The following EPB41 variants were observed in gnomAD, a reference collection of about 807,000 sequenced individuals.
EPB41 encodes the protein erythrocyte membrane protein band 4.1.
A neutral mutation model predicts 108.0 loss-of-function variants in EPB41; 65 were observed. The observed-to-expected ratio is 0.60, with a 90% CI of 0.49 to 0.74. EPB41 has a LOEUF of 0.74. Ranked by LOEUF, EPB41 falls within the 30% of genes least tolerant of loss-of-function variation. The pLI, the probability that EPB41 is intolerant of heterozygous loss-of-function variation, is 0.00. For missense variants in EPB41, 875 were observed against 1,037.0 expected (o/e 0.84, Z 2.15); for synonymous variants, 336 against 358.9 (o/e 0.94, Z 0.72).
intron 16 of EPB41, chr1:29,068,670 C>A: frequency 9.5e-7 from 1 of 1,048,874 alleles, no homozygotes; most frequent in Non-Finnish European, 1.2e-6. Flanking sequence ...CCTCTTCCAC[C>A]TTTGACGGTA....
Position 28,887,368 on chromosome 1 carries a change from A to G in EPB41, c.-8+158A>G. On this transcript the variant is annotated intron_variant, in intron 1 of 16. Transcript: ENST00000347529. The surrounding 1 kb of genome is among the most constrained non-coding windows in gnomAD (Gnocchi z 4.9). ...GGGTCCAGCGGTCCCGAATTCCAGA[A>G]TCCGAACTTGGGGTCCAAAGGAGTC... 1.0e-6 allele frequency: 1 copy of G among 985,372 alleles called. No individual in the cohort carries two copies. Among genetic ancestry groups the G allele is most frequent in the Non-Finnish European group, 1.2e-6 (1 of 829,908 alleles). 61.0% of individuals were successfully genotyped at this position (985,372 alleles called of 1,614,324 possible). A position where few individuals can be genotyped will look rare whatever the true frequency, so the allele number is the denominator to read the frequency against.
Position 29,065,005 on chromosome 1 carries a change from G to A in EPB41, c.2031G>A (p.Glu677=), listed in dbSNP as rs775647154. The change falls in exon 16 of 21, where the codon GAG becomes GAA. Residue 677 remains glutamate (E), a synonymous_variant. Transcript: ENST00000343067. The part of the protein sequence containing the change: ...MLEDLDKSQE[E]IKKHHASISE... ...AGGATTTAGACAAGAGTCAAGAGGA[G>A]ATCAAAAAACATCATGCCAGCATCA... The A allele has an allele frequency of 2.5e-6, 4 of 1,613,978 alleles. No homozygotes were observed. Among genetic ancestry groups the A allele is most frequent in the Non-Finnish European group, 2.5e-6 (3 of 1,179,974 alleles).
intron 1 of EPB41, among the ~76,000 whole-genome samples, chr1:28,956,763 C>T (rs2094964432): frequency 6.6e-6 from 1 of 152,160 alleles, no homozygotes; most frequent in African/African-American, 2.4e-5. Flanking sequence ...TGATTAGGTA[C>T]TGTGGGAGAT....
chr1:28,987,878 T>G lies in EPB41; in HGVS notation c.441T>G (p.Leu147=). 6.2e-7 allele frequency: 1 copy of G among 1,614,222 alleles called. No individual in the cohort carries two copies. Among genetic ancestry groups the G allele is most frequent in the Admixed American group, 1.7e-5 (1 of 60,024 alleles). ...PELKTDPSLD[L]HSLSSAETQP... is the part of the protein sequence containing the mutation. The stretch of plus-strand genomic sequence containing the variant: ...TCAAAACAGACCCATCTTTGGATCT[T>G]CATTCATTAAGCAGTGCAGAAACAC... The change falls in exon 2 of 21, where the codon CTT becomes CTG. Residue 147 remains leucine (L), a synonymous_variant. Coordinates refer to ENST00000343067, the MANE Select transcript of EPB41 (RefSeq NM_001376013.1).
At chr1:28,995,244 T>C (rs1037481269) in intron 3 of EPB41, among the ~76,000 whole-genome samples, 3 of 151,980 alleles carry the variant, frequency 2.0e-5, no homozygotes, top group African/African-American at 7.2e-5. Context: ...TATGAAGCCC[T>C]TGGGGACAGA....
chr1:29,107,167 G>A (rs189230437), intron 17 of EPB41, among the ~76,000 whole-genome samples: 7 of 151,770 alleles, frequency 4.6e-5, no homozygotes, highest in Admixed American at 2.6e-4. Flanking sequence ...TGGGGAAAAA[G>A]CAAAACTCCC....
intron 7 of EPB41, among the ~76,000 whole-genome samples, chr1:29,020,781 C>A (rs1233689556): frequency 6.6e-6 from 1 of 152,096 alleles, no homozygotes; most frequent in Non-Finnish European, 1.5e-5. Context: ...TCTCAGCCTT[C>A]TGAGTAGCTA....
At chr1:29,000,693 G>T (rs1281202527) in intron 4 of EPB41, among the ~76,000 whole-genome samples, 1 of 152,128 alleles carries the variant, frequency 6.6e-6, no homozygotes, top group Non-Finnish European at 1.5e-5. Context: ...TCAGGGCATC[G>T]ACAGGTCTGT....
intron 1 of EPB41, among the ~76,000 whole-genome samples, chr1:28,923,013 C>A (rs752543745): frequency 1.3e-5 from 2 of 151,884 alleles, no homozygotes; most frequent in Non-Finnish European, 2.9e-5. Context: ...TAGGTGTGAG[C>A]CAACACACTC....
At chr1:29,052,269 T>G (rs1036372065) in intron 11 of EPB41, among the ~76,000 whole-genome samples, 1 of 152,206 alleles carries the variant, frequency 6.6e-6, no homozygotes, top group Admixed American at 6.5e-5. Context: ...TGGATGCCAG[T>G]ACCTCCCGTC....
At chr1:29,078,977 A>G (rs1655248450) in intron 16 of EPB41, among the ~76,000 whole-genome samples, 1 of 152,014 alleles carries the variant, frequency 6.6e-6, no homozygotes, top group Non-Finnish European at 1.5e-5. Flanking sequence ...TATAATGAAC[A>G]TGGTAAAGAA....
chr1:28,940,641 G>A (rs943261976), intron 1 of EPB41, among the ~76,000 whole-genome samples: 4 of 152,044 alleles, frequency 2.6e-5, no homozygotes, highest in Admixed American at 2.6e-4. Flanking sequence ...GACAGAGCGA[G>A]ACTCTGTGTC....
At chr1:29,056,233 C>CAAAAAAA (rs1388048465) in intron 12 of EPB41, among the ~76,000 whole-genome samples, 1 of 56,516 alleles carries the variant, frequency 1.8e-5, no homozygotes, top group Non-Finnish European at 3.9e-5. Context: ...GACTCCGTCT[C>CAAAAAAA]AAAAAAAAAA....
chr1:28,946,707 C>T (rs1276324611), intron 1 of EPB41, among the ~76,000 whole-genome samples: 3 of 152,154 alleles, frequency 2.0e-5, no homozygotes, highest in Non-Finnish European at 4.4e-5. Flanking sequence ...CTATACTCCT[C>T]CCTGCTTCAA....
intron 16 of EPB41, among the ~76,000 whole-genome samples, chr1:29,090,737 C>A (rs536570789): frequency 6.6e-6 from 1 of 152,042 alleles, no homozygotes; most frequent in Non-Finnish European, 1.5e-5. Flanking sequence ...TCAACAAGAG[C>A]GAAACCCTGT....
chr1:28,992,075 G>T (rs1230654217), intron 2 of EPB41, among the ~76,000 whole-genome samples: 1 of 152,140 alleles, frequency 6.6e-6, no homozygotes. Flanking sequence ...ATTGTAATAA[G>T]TTATAAAGCC....
intron 1 of EPB41, among the ~76,000 whole-genome samples, chr1:28,926,968 A>G (rs1321610186): frequency 6.6e-6 from 1 of 152,166 alleles, no homozygotes. Flanking sequence ...CTAAAGACCC[A>G]TTTCACAGCA....
chr1:28,893,060 C>T (rs1466154011), intron 1 of EPB41, among the ~76,000 whole-genome samples: 1 of 152,012 alleles, frequency 6.6e-6, no homozygotes, highest in Non-Finnish European at 1.5e-5. Context: ...CCTCGGCCTC[C>T]CAAAGTGCTG....
intron 16 of EPB41, chr1:29,070,764 T>G (rs1650964978): frequency 1.7e-6 from 2 of 1,150,942 alleles, no homozygotes; most frequent in African/African-American, 1.6e-5. Flanking sequence ...CAAATGTTAC[T>G]CTTTGTAGAG....
Sources: gnomAD v4.1 joint callset for allele counts (sites outside exome capture counted in the v4.1 genomes callset) on GRCh38, gnomAD v4.1.1 for gene constraint, Gnocchi (gnomAD v3.1) non-coding constraint, MANE v1.5 for transcripts, NCBI Gene and HGNC (gene_info 2026-07-23, HGNC 2026-07-21) for gene names.